Variants in MAPK10 observed in about 807,000 individuals in gnomAD.
The protein encoded by MAPK10 is JNK3 alpha protein kinase.
In MAPK10, 25 loss-of-function variants were observed where a neutral mutation model predicts 59.3. The observed-to-expected ratio is 0.42, with a 90% CI of 0.31 to 0.59. The LOEUF (loss-of-function observed/expected upper bound fraction) is 0.59, where lower values mean the gene tolerates loss of function less well. MAPK10 is among the 20% of genes least tolerant of loss of function. The pLI, the probability that MAPK10 is intolerant of heterozygous loss-of-function variation, is 0.15. For missense variants in MAPK10, 351 were observed against 568.9 expected (o/e 0.62, Z 3.90); for synonymous variants, 190 against 200.5 (o/e 0.95, Z 0.44).
intron 1 of MAPK10, among the ~76,000 whole-genome samples, chr4:86,560,202 C>T (rs1308741882): frequency 5.3e-5 from 8 of 152,074 alleles, no homozygotes; most frequent in East Asian, 1.9e-4. Context: ...CGCACTTTAA[C>T]GAAAATGACA....
In MAPK10 at chr4:86,394,275, AAAAGAAAGAAAG is replaced by A. The variant is rs551688396; in HGVS notation, c.-121-39643_-121-39632del. 1.5e-3 allele frequency among the ~76,000 whole-genome samples: 227 copies of A among 152,154 alleles called. 1 individual carries two copies. The highest frequency in any genetic ancestry group is 5.1e-3 in the African/African-American group (211 of 41,506). Reference sequence around the variant, plus strand: ...CACAGCAAGACTCCATTTCAAAAAAAAAAGAAAGAAAGAAAGAAAGAAGAATTGATAATACTC... The same window carrying A: ...CACAGCAAGACTCCATTTCAAAAAAAAAAGAAAGAAGAATTGATAATACTC... On this transcript the variant is annotated intron_variant, in intron 1 of 13. Coordinates refer to the MAPK10 transcript ENST00000361569.
intron 9 of MAPK10, among the ~76,000 whole-genome samples, chr4:86,076,279 C>G (rs1426577651): frequency 6.6e-6 from 1 of 152,156 alleles, no homozygotes; most frequent in Non-Finnish European, 1.5e-5. Context: ...ACCCACTGGC[C>G]TGCGCCCACT....
intron 4 of MAPK10, among the ~76,000 whole-genome samples, chr4:86,131,950 A>T (rs1047341423): frequency 6.6e-6 from 1 of 152,154 alleles, no homozygotes; most frequent in Non-Finnish European, 1.5e-5. Context: ...AAGGAATACA[A>T]AACTGGAACT....
chr4:86,519,809 G>C (rs1756982215), intron 1 of MAPK10, among the ~76,000 whole-genome samples: 1 of 152,100 alleles, frequency 6.6e-6, no homozygotes, highest in African/African-American at 2.4e-5. Context: ...GTACTGGCTT[G>C]ATAGAGGCAA....
chr4:86,353,379 T>C (rs951445872), intron 2 of MAPK10, among the ~76,000 whole-genome samples: 9 of 152,162 alleles, frequency 5.9e-5, no homozygotes, highest in African/African-American at 2.2e-4. Flanking sequence ...AATGAATTAA[T>C]ATTCAGAATG....
intron 2 of MAPK10, among the ~76,000 whole-genome samples, chr4:86,267,262 A>G (rs1055302321): frequency 6.6e-6 from 1 of 152,188 alleles, no homozygotes; most frequent in Non-Finnish European, 1.5e-5. Flanking sequence ...AGGTTTGTAA[A>G]TAGCCAAAAT....
intron 1 of MAPK10, among the ~76,000 whole-genome samples, chr4:86,375,869 C>T (rs1055642186): frequency 1.6e-4 from 25 of 152,040 alleles, no homozygotes; most frequent in Admixed American, 6.6e-5. Context: ...GTAATGAACT[C>T]TGTGAACTCA....
At chr4:86,418,758 A>G (rs1186939138) in intron 1 of MAPK10, among the ~76,000 whole-genome samples, 2 of 152,220 alleles carry the variant, frequency 1.3e-5, no homozygotes, top group Non-Finnish European at 2.9e-5. Flanking sequence ...TTGCAAAAAT[A>G]TGGAACCAGC....
chr4:86,443,102 G>T (rs1312500309), intron 1 of MAPK10, among the ~76,000 whole-genome samples: 2 of 152,162 alleles, frequency 1.3e-5, no homozygotes, highest in African/African-American at 4.8e-5. Context: ...AATTAGAATT[G>T]AGGAATTGCT....
At chr4:86,107,983 C>CTA (rs749560127) in intron 4 of MAPK10, among the ~76,000 whole-genome samples, 2 of 152,078 alleles carry the variant, frequency 1.3e-5, no homozygotes, top group African/African-American at 2.4e-5. Context: ...CAGCCACATA[C>CTA]TATGTCACCC....
At chr4:86,026,086 G>T (rs142707902) in intron 13 of MAPK10, among the ~76,000 whole-genome samples, 3 of 152,268 alleles carry the variant, frequency 2.0e-5, no homozygotes, top group Non-Finnish European at 4.4e-5. Flanking sequence ...GGGAGAGAAT[G>T]GTTGCATATT....
At chr4:86,214,611 T>C (rs2086886164) in intron 2 of MAPK10, among the ~76,000 whole-genome samples, 1 of 150,052 alleles carries the variant, frequency 6.7e-6, no homozygotes. Flanking sequence ...TGCATTTCTA[T>C]ACACTAACAA....
At chr4:86,452,745 G>A (rs1384889079) in intron 1 of MAPK10, among the ~76,000 whole-genome samples, 2 of 152,178 alleles carry the variant, frequency 1.3e-5, no homozygotes, top group African/African-American at 4.8e-5. Flanking sequence ...GAGAGATCAT[G>A]GCGGACGGGA....
intron 1 of MAPK10, among the ~76,000 whole-genome samples, chr4:86,561,008 G>A (rs1373853738): frequency 6.6e-6 from 1 of 152,190 alleles, no homozygotes; most frequent in African/African-American, 2.4e-5. Context: ...TGGCACCAGG[G>A]ACCAGTTTTG....
chr4:86,038,081 G>A (rs776054360), intron 11 of MAPK10, among the ~76,000 whole-genome samples: 1 of 152,182 alleles, frequency 6.6e-6, no homozygotes, highest in Non-Finnish European at 1.5e-5. Flanking sequence ...AATCTCTAAA[G>A]AGATAAAAAC....
At chr4:86,484,555 A>G (rs1753847133) in intron 1 of MAPK10, among the ~76,000 whole-genome samples, 1 of 152,130 alleles carries the variant, frequency 6.6e-6, no homozygotes, top group Non-Finnish European at 1.5e-5. Context: ...GAAAATGGGG[A>G]TAATAAAATC....
intron 1 of MAPK10, among the ~76,000 whole-genome samples, chr4:86,569,975 A>C (rs1761337847): frequency 6.6e-6 from 1 of 152,168 alleles, no homozygotes; most frequent in South Asian, 2.1e-4. Context: ...TAATTTCAAA[A>C]ATAAAAGGAG....
At chr4:86,108,674 C>G (rs1053361094) in intron 4 of MAPK10, among the ~76,000 whole-genome samples, 8 of 152,164 alleles carry the variant, frequency 5.3e-5, no homozygotes, top group Non-Finnish European at 8.8e-5. Flanking sequence ...GCAGCTCTTT[C>G]TATTGTTCGG....
At chr4:86,072,325 A>G (rs1298334482) in intron 9 of MAPK10, among the ~76,000 whole-genome samples, 1 of 152,146 alleles carries the variant, frequency 6.6e-6, no homozygotes, top group African/African-American at 2.4e-5. Context: ...ATATACAATC[A>G]TGTCGTCTCC....
Sources: allele counts gnomAD v4.1 joint callset (sites outside exome capture counted in the v4.1 genomes callset), GRCh38; gene constraint gnomAD v4.1.1; transcripts MANE v1.5; gene names NCBI Gene and HGNC (gene_info 2026-07-23, HGNC 2026-07-21).